Variants in MAPK4 observed in about 807,000 individuals in gnomAD.
MAPK4 encodes the protein mitogen-activated protein kinase 4.
MAPK4 carries 22 observed loss-of-function variants against 47.7 expected under a neutral mutation model. That is an observed-to-expected ratio of 0.46 (90% CI 0.33 to 0.66). MAPK4 has a LOEUF of 0.66. Ranked by LOEUF, MAPK4 falls within the 30% of genes least tolerant of loss-of-function variation. The pLI is 0.02. For missense variants in MAPK4, 736 were observed against 831.7 expected, an observed-to-expected ratio of 0.88 and a Z score of 1.42; for synonymous variants, 390 against 365.7, an observed-to-expected ratio of 1.07 and a Z score of -0.76.
In MAPK4 at chr18:50,693,258, C is replaced by CA. The variant is rs201173695; in HGVS notation, c.547-21812dup. On this transcript the variant is annotated intron_variant, in intron 2 of 5. Transcript: ENST00000400384. The stretch of plus-strand genomic sequence containing the variant: ...TAGGCAACAGAGAGAGACTCTATCT[C>CA]AAAAAAAAAGATAGTGCACAGTCTA... Among the ~76,000 whole-genome samples the CA allele has an allele frequency of 4.7e-3, 704 of 150,526 alleles. 5 individuals are homozygous for CA. The highest frequency in any genetic ancestry group is 0.016 in the African/African-American group (648 of 41,050).
intron 1 of MAPK4, among the ~76,000 whole-genome samples, chr18:50,640,399 AAT>A (rs2042929839): frequency 6.7e-6 from 1 of 149,536 alleles, no homozygotes; most frequent in African/African-American, 2.5e-5. Context: ...AAAAAAAAAA[AAT>A]TATATGGATG....
At chr18:50,707,772 G>T (rs558599313) in intron 2 of MAPK4, among the ~76,000 whole-genome samples, 1 of 152,140 alleles carries the variant, frequency 6.6e-6, no homozygotes, top group Admixed American at 6.5e-5. Flanking sequence ...ACCACACAGG[G>T]CCTGGAGTGT....
intron 2 of MAPK4, among the ~76,000 whole-genome samples, chr18:50,679,559 GC>G (rs1908466098): frequency 6.6e-6 from 1 of 152,116 alleles, no homozygotes; most frequent in Non-Finnish European, 1.5e-5. Flanking sequence ...GCACAAAGGA[GC>G]CCCTAGGGTT....
At chr18:50,601,866 C>A (rs541243227) in intron 1 of MAPK4, among the ~76,000 whole-genome samples, 9 of 152,318 alleles carry the variant, frequency 5.9e-5, no homozygotes, top group African/African-American at 2.2e-4. Flanking sequence ...CCTTCCGTGG[C>A]AGCTCATTGC....
intron 1 of MAPK4, among the ~76,000 whole-genome samples, chr18:50,641,982 A>G (rs1418931301): frequency 1.3e-5 from 2 of 152,228 alleles, no homozygotes; most frequent in African/African-American, 4.8e-5. Flanking sequence ...AAAGCCCTTT[A>G]GACCTGACAT....
rs571773904 is a variant in MAPK4, at chr18:50,602,301, A to T, written c.-871+42058A>T. ...TCTGCTTCCCCTTCGCCTCCTCACAACAAGGTCTATTCAATAGCCTATGAA... is the reference window on the plus strand; with the variant it reads ...TCTGCTTCCCCTTCGCCTCCTCACATCAAGGTCTATTCAATAGCCTATGAA... On this transcript the variant is annotated intron_variant, in intron 1 of 5. Coordinates refer to ENST00000400384, the MANE Select transcript of MAPK4 (RefSeq NM_002747.4). Among the ~76,000 whole-genome samples the T allele has an allele frequency of 2.0e-5, 3 of 152,226 alleles. No homozygotes were observed. The East Asian group carries it at 5.8e-4, about 29-fold the overall frequency.
intron 1 of MAPK4, among the ~76,000 whole-genome samples, chr18:50,606,441 A>G (rs1413716306): frequency 6.6e-6 from 1 of 152,178 alleles, no homozygotes; most frequent in African/African-American, 2.4e-5. Context: ...CATTCCGTTT[A>G]CATTCATGCC....
chr18:50,681,931 A>G (rs1332535736), intron 2 of MAPK4, among the ~76,000 whole-genome samples: 1 of 152,184 alleles, frequency 6.6e-6, no homozygotes, highest in African/African-American at 2.4e-5. Context: ...TAATGAGTGA[A>G]CCTTGAAACC....
At chr18:50,621,314 A>C (rs967693134) in intron 1 of MAPK4, among the ~76,000 whole-genome samples, 2 of 152,216 alleles carry the variant, frequency 1.3e-5, no homozygotes, top group Non-Finnish European at 2.9e-5. Context: ...GGAAACAACT[A>C]AAGGACAAAA....
chr18:50,568,029 T>C (rs2042216252), intron 1 of MAPK4, among the ~76,000 whole-genome samples: 1 of 151,858 alleles, frequency 6.6e-6, no homozygotes, highest in South Asian at 2.1e-4. Context: ...ACCCCGTCTC[T>C]ACTAAAAATA....
chr18:50,667,555 C>T lies in MAPK4; in HGVS notation c.546+3051C>T, dbSNP rs150212094. On this transcript the variant is annotated intron_variant, in intron 2 of 5. Coordinates refer to ENST00000400384, the MANE Select transcript of MAPK4 (RefSeq NM_002747.4). ...ACACACAAACTTCTCGAAACTTAACCCCTTCTAAAGTTTTATGGATCTCCA... is the reference window on the plus strand; with the variant it reads ...ACACACAAACTTCTCGAAACTTAACTCCTTCTAAAGTTTTATGGATCTCCA... 9.3e-4 allele frequency among the ~76,000 whole-genome samples: 142 copies of T among 152,202 alleles called. 1 individual carries two copies. The highest frequency in any genetic ancestry group is 3.3e-3 in the African/African-American group (139 of 41,528).
At chr18:50,626,657 C>T (rs897532517) in intron 1 of MAPK4, among the ~76,000 whole-genome samples, 1 of 152,166 alleles carries the variant, frequency 6.6e-6, no homozygotes, top group Non-Finnish European at 1.5e-5. Flanking sequence ...TTCCCGTCTC[C>T]TCCCTCAGGT....
intron 1 of MAPK4, among the ~76,000 whole-genome samples, chr18:50,588,333 T>C (rs1312003346): frequency 6.6e-6 from 1 of 152,140 alleles, no homozygotes; most frequent in Non-Finnish European, 1.5e-5. Flanking sequence ...GTAACCTCTC[T>C]CTGTGTCTAG....
chr18:50,679,149 G>C (rs1459953662), intron 2 of MAPK4, among the ~76,000 whole-genome samples: 1 of 152,174 alleles, frequency 6.6e-6, no homozygotes, highest in African/African-American at 2.4e-5. Context: ...AATGGCCTGC[G>C]TGGCCTGGTT....
At chr18:50,616,410 C>T (rs2042685055) in intron 1 of MAPK4, among the ~76,000 whole-genome samples, 1 of 152,066 alleles carries the variant, frequency 6.6e-6, no homozygotes. Context: ...TCAGGATTGT[C>T]CTGAGGCTTA....
At chr18:50,650,622 G>C (rs2043038285) in intron 1 of MAPK4, among the ~76,000 whole-genome samples, 1 of 152,144 alleles carries the variant, frequency 6.6e-6, no homozygotes, top group Admixed American at 6.5e-5. Context: ...GGCCCCAGTG[G>C]AGGCCAAGTG....
At chr18:50,628,245 A>T (rs1196706994) in intron 1 of MAPK4, among the ~76,000 whole-genome samples, 1 of 152,258 alleles carries the variant, frequency 6.6e-6, no homozygotes, top group African/African-American at 2.4e-5. Context: ...TGTACAAATC[A>T]TGAAGTAATT....
chr18:50,617,620 G>A (rs192558777), intron 1 of MAPK4, among the ~76,000 whole-genome samples: 356 of 152,292 alleles, frequency 2.3e-3, no homozygotes, highest in Non-Finnish European at 4.1e-3. Context: ...GGATCCCAGA[G>A]CTGAGAGCTG....
intron 2 of MAPK4, among the ~76,000 whole-genome samples, chr18:50,679,316 A>G (rs1908449798): frequency 6.6e-6 from 1 of 152,194 alleles, no homozygotes; most frequent in African/African-American, 2.4e-5. Flanking sequence ...TGCCCTTCCA[A>G]GCCTGACTCT....
Sources: allele counts gnomAD v4.1 joint callset (sites outside exome capture counted in the v4.1 genomes callset), GRCh38; gene constraint gnomAD v4.1.1; transcripts MANE v1.5; gene names NCBI Gene and HGNC (gene_info 2026-07-23, HGNC 2026-07-21).